METTL15: variants seen among roughly 807,000 people sequenced by gnomAD.
METTL15 encodes 12S rRNA N(4)-cytidine methyltransferase METTL15.
A neutral mutation model predicts 38.3 loss-of-function variants in METTL15; 34 were observed. The ratio of observed to expected loss-of-function variants is 0.89; its 90% CI spans 0.68 to 1.18. The LOEUF is 1.18. Among genes scored for constraint, METTL15 ranks in the 50% most tolerant of loss-of-function variants. METTL15 has a pLI of 0.00. For synonymous variants in METTL15, 162 were observed against 170.9 expected, an observed-to-expected ratio of 0.95 and a Z score of 0.41; for missense variants, 438 against 498.4, an observed-to-expected ratio of 0.88 and a Z score of 1.15.
chr11:28,159,834 T>C (rs1850391458), intron 3 of METTL15, among the ~76,000 whole-genome samples: 1 of 152,122 alleles, frequency 6.6e-6, no homozygotes, highest in Non-Finnish European at 1.5e-5. Flanking sequence ...TTTTGAAGAT[T>C]ATGTGTGATT....
chr11:28,406,419 T>A (rs7945246), intron 5 of METTL15, among the ~76,000 whole-genome samples: 61,579 of 151,954 alleles, frequency 0.41, 14,275 homozygotes, highest in Admixed American at 0.52. Context: ...ATTTTTGCCA[T>A]TGATTTTGTA....
intron 6 of METTL15, among the ~76,000 whole-genome samples, chr11:28,487,679 A>G (rs987645815): frequency 2.6e-5 from 4 of 152,192 alleles, no homozygotes; most frequent in Non-Finnish European, 5.9e-5. Flanking sequence ...ATTGCTTAGA[A>G]GGTATAAAGG....
intron 4 of METTL15, among the ~76,000 whole-genome samples, chr11:28,267,012 T>G (rs1199416182): frequency 2.6e-5 from 4 of 151,718 alleles, no homozygotes; most frequent in African/African-American, 9.7e-5. Flanking sequence ...ATACAAAAAT[T>G]ACCTGAGCGT....
At chr11:28,328,371 T>C (rs186388427) in intron 6 of METTL15, among the ~76,000 whole-genome samples, 163 of 152,278 alleles carry the variant, frequency 1.1e-3, no homozygotes, top group African/African-American at 2.1e-3. Flanking sequence ...ATATTATTTC[T>C]TTCCGTCTCT....
At chr11:28,280,667 C>CTTT (rs61571700) in intron 4 of METTL15, among the ~76,000 whole-genome samples, 1 of 135,324 alleles carries the variant, frequency 7.4e-6, no homozygotes, top group African/African-American at 2.8e-5. Flanking sequence ...GTCTCTTATG[C>CTTT]TTTTTTTTTT....
At chr11:28,485,661 G>A (rs933853452) in intron 6 of METTL15, among the ~76,000 whole-genome samples, 2 of 152,166 alleles carry the variant, frequency 1.3e-5, no homozygotes, top group African/African-American at 2.4e-5. Context: ...AACTTAATAT[G>A]TGATATGCAT....
At chr11:28,348,227 TGTA>T (rs1206824651) in intron 3 of METTL15, among the ~76,000 whole-genome samples, 2 of 152,238 alleles carry the variant, frequency 1.3e-5, no homozygotes, top group Admixed American at 1.3e-4. Flanking sequence ...ACCTACTAGT[TGTA>T]GTGTCTGTTG....
chr11:28,459,138 T>G (rs777838254), intron 6 of METTL15, among the ~76,000 whole-genome samples: 4 of 152,222 alleles, frequency 2.6e-5, no homozygotes, highest in Non-Finnish European at 4.4e-5. Flanking sequence ...CCATATCTTT[T>G]GGTATTTCCT....
At chr11:28,122,241 T>G (rs1231572821) in intron 3 of METTL15, 1 of 1,134,052 alleles carries the variant, frequency 8.8e-7, no homozygotes, top group Non-Finnish European at 1.1e-6. Flanking sequence ...ATAAAATGCT[T>G]TGTTCATATC....
intron 6 of METTL15, among the ~76,000 whole-genome samples, chr11:28,437,878 A>G (rs75610928): frequency 0.018 from 2,681 of 152,338 alleles, 52 homozygotes; most frequent in African/African-American, 0.051. Context: ...GAATGAATAA[A>G]TGAATGAATG....
intron 3 of METTL15, among the ~76,000 whole-genome samples, chr11:28,348,217 A>G (rs138534499): frequency 2.1e-3 from 326 of 152,284 alleles, no homozygotes; most frequent in Middle Eastern, 6.8e-3. Context: ...CCTCATTTTG[A>G]CCTACTAGTT....
intron 6 of METTL15, among the ~76,000 whole-genome samples, chr11:28,442,749 C>G (rs1851045457): frequency 6.6e-6 from 1 of 152,110 alleles, no homozygotes. Context: ...ATTATGTACA[C>G]TATTCAAATA....
downstream of METTL15, among the ~76,000 whole-genome samples, chr11:28,529,545 C>T (rs77799878): frequency 8.5e-3 from 1,161 of 136,412 alleles, 22 homozygotes; most frequent in African/African-American, 0.031. Flanking sequence ...CCTTTTCCCC[C>T]TACTTCTTTC....
chr11:28,182,330 C>T (rs1851321975), intron 3 of METTL15, among the ~76,000 whole-genome samples: 1 of 152,052 alleles, frequency 6.6e-6, no homozygotes, highest in Admixed American at 6.6e-5. Context: ...AGTCTTTGCC[C>T]TTGCCTATGT....
intron 4 of METTL15, among the ~76,000 whole-genome samples, chr11:28,226,012 T>A (rs539003086): frequency 1.3e-4 from 20 of 152,084 alleles, no homozygotes; most frequent in Non-Finnish European, 2.7e-4. Flanking sequence ...TTAATTCAGC[T>A]AATTAGAAGT....
chr11:28,381,152 G>T (rs899668291), intron 5 of METTL15, among the ~76,000 whole-genome samples: 5 of 152,018 alleles, frequency 3.3e-5, no homozygotes. Context: ...ACAGGCATGT[G>T]CTTGGCTAAT....
chr11:28,215,385 G>A (rs1027811958), intron 4 of METTL15, among the ~76,000 whole-genome samples: 5 of 152,036 alleles, frequency 3.3e-5, no homozygotes, highest in Non-Finnish European at 7.4e-5. Context: ...GGAGGAAAGG[G>A]GTTCTGGTTT....
intron 4 of METTL15, among the ~76,000 whole-genome samples, chr11:28,236,862 G>A (rs1420995650): frequency 6.6e-6 from 1 of 152,112 alleles, no homozygotes; most frequent in African/African-American, 2.4e-5. Flanking sequence ...CAATTATGAA[G>A]CTTCGTTTGG....
At chr11:28,225,443 T>C (rs1853436791) in intron 4 of METTL15, among the ~76,000 whole-genome samples, 1 of 151,880 alleles carries the variant, frequency 6.6e-6, no homozygotes, top group Non-Finnish European at 1.5e-5. Flanking sequence ...CTTCTTACAT[T>C]TGCAATAACT....
Sources: allele counts gnomAD v4.1 joint callset (sites outside exome capture counted in the v4.1 genomes callset), GRCh38; gene constraint gnomAD v4.1.1; transcripts MANE v1.5; gene names NCBI Gene and HGNC (gene_info 2026-07-23, HGNC 2026-07-21).